Variants in DPYSL4 observed in about 807,000 individuals in gnomAD.
DPYSL4 encodes the protein dihydropyrimidinase-related protein 4.
Under a neutral mutation model 63.4 loss-of-function variants are expected in DPYSL4, and 43 were observed. That is an observed-to-expected ratio of 0.68 (90% CI 0.53 to 0.88). The LOEUF is 0.88. Among genes scored for constraint, DPYSL4 ranks in the 40% least tolerant of loss-of-function variants. The pLI is 0.00. For synonymous variants in DPYSL4, 353 were observed against 331.7 expected, an observed-to-expected ratio of 1.06 and a Z score of -0.70; for missense variants, 733 against 819.5, an observed-to-expected ratio of 0.89 and a Z score of 1.29.
At chr10:132,200,631 G>T in intron 9 of DPYSL4, 119 bp downstream of exon 9, 2 of 1,427,978 alleles carry the variant, frequency 1.4e-6, no homozygotes, top group Non-Finnish European at 1.9e-6. Flanking sequence ...GACAGTGGCG[G>T]GTGGGGAAGT....
rs765000161 is a variant in DPYSL4, at chr10:132,202,739, A to G, written c.1375A>G (p.Met459Val). 1.2e-6 allele frequency: 2 copies of G among 1,613,280 alleles called. No homozygotes were observed. The highest frequency in any genetic ancestry group is 4.5e-5 in the East Asian group (2 of 44,888). The change falls in exon 12 of 14, where the codon ATG becomes GTG. Residue 459 changes from methionine (M) to valine (V), a missense_variant. Coordinates refer to ENST00000338492, the MANE Select transcript of DPYSL4 (RefSeq NM_006426.3). ...QGRVALEDGK[M>V]FVTPGAGRFV... is the part of the protein sequence containing the mutation. ...CCGAGTGGCGCTGGAGGACGGGAAG[A>G]TGTTTGTCACCCCGGGGGCGGGCCG...
chr10:132,196,784 G>C, intron 4 of DPYSL4, 77 bp from the exon 5 acceptor site: 9 of 1,547,772 alleles, frequency 5.8e-6, no homozygotes, highest in Non-Finnish European at 8.0e-6. Context: ...CAACCCTCCA[G>C]TGGGCAGGAG....
chr10:132,192,601 C>A (rs1402614393), intron 2 of DPYSL4, 57 bp from the exon 3 acceptor site: 6 of 1,525,790 alleles, frequency 3.9e-6, no homozygotes, highest in African/African-American at 2.8e-5. Context: ...TTGCTGGGAG[C>A]CCATCTGGGC....
At chr10:132,201,814 G>A (rs2062022025) in intron 10 of DPYSL4, 132 bp from the exon 11 acceptor site, 2 of 986,444 alleles carry the variant, frequency 2.0e-6, no homozygotes, top group South Asian at 3.4e-5. Context: ...TGGTGGTCCA[G>A]CGTCTGTCCT....
At position 132,205,511 on chromosome 10, in the gene DPYSL4, G is replaced by C. The variant is rs2062085612; in HGVS notation, c.*581G>C. 6.6e-6 allele frequency: 1 copy of C among 152,624 alleles called. No individual in the cohort carries two copies. Among genetic ancestry groups the C allele is most frequent in the Non-Finnish European group, 1.5e-5 (1 of 68,160 alleles). 9.5% of individuals were successfully genotyped at this position (152,624 alleles called of 1,614,324 possible). ...GTGCAGCACAGCCCCGCCCGTGGAG[G>C]GTCCCTTTTACGCACCCCAAGGCCC... On this transcript the variant is annotated 3_prime_UTR_variant, in exon 14 of 14. Coordinates refer to ENST00000338492, the MANE Select transcript of DPYSL4 (RefSeq NM_006426.3).
chr10:132,199,090 G>A, intron 8 of DPYSL4, 119 bp downstream of exon 8: 5 of 1,410,554 alleles, frequency 3.5e-6, no homozygotes, highest in Non-Finnish European at 3.8e-6. Context: ...TGGACCCTGA[G>A]TCCCTGCATC....
In DPYSL4 at chr10:132,202,648, C is replaced by T. The variant is rs553047637; in HGVS notation, c.1284C>T (p.Asn428=). ...GACCCTCGGGCCTCTCTCCCCAGAA[C>T]GTGGAGTACAACATCTTCGAGGGAG... ...KIISAKTHNL[N]VEYNIFEGVE... The change falls in exon 12 of 14, where the codon AAC becomes AAT. Residue 428 remains asparagine (N), a splice_region_variant and synonymous_variant. Coordinates refer to ENST00000338492, the MANE Select transcript of DPYSL4 (RefSeq NM_006426.3). 1.0e-4 allele frequency: 163 copies of T among 1,612,328 alleles called. 4 individuals carry two copies. In the South Asian group the frequency reaches 1.5e-3, roughly 15 times the overall value.
chr10:132,204,580 C>A (rs571633277), intron 13 of DPYSL4, among the ~76,000 whole-genome samples: 2 of 152,108 alleles, frequency 1.3e-5, no homozygotes, highest in Non-Finnish European at 2.9e-5. Flanking sequence ...GGGTTCCTCT[C>A]GGGACAGGAA....
At chr10:132,198,251 A>G (rs2061969892) in intron 6 of DPYSL4, among the ~76,000 whole-genome samples, 164 bp from the exon 7 acceptor site, 1 of 152,072 alleles carries the variant, frequency 6.6e-6, no homozygotes, top group African/African-American at 2.4e-5. Flanking sequence ...ACACCTCTCC[A>G]AGCCCCTCTG....
intron 1 of DPYSL4, among the ~76,000 whole-genome samples, chr10:132,187,805 C>T (rs367678684): frequency 2.6e-4 from 39 of 152,220 alleles, no homozygotes; most frequent in Non-Finnish European, 4.9e-4. Flanking sequence ...CCACACGCAC[C>T]GGCGCGGGAG....
At chr10:132,197,843 C>G (rs2061965451) in intron 6 of DPYSL4, among the ~76,000 whole-genome samples, 1 of 152,230 alleles carries the variant, frequency 6.6e-6, no homozygotes, top group Non-Finnish European at 1.5e-5. Flanking sequence ...ATCGGGGCAT[C>G]ACAAACACTT....
rs201032462 is a variant in DPYSL4 at position 132,200,453 on chromosome 10, A to T, written c.909A>T (p.Thr303=). 4.6e-5 allele frequency: 74 copies of T among 1,613,300 alleles called. 1 individual carries two copies. In the South Asian group the frequency reaches 6.3e-4, roughly 14 times the overall value. Residue 303 remains threonine, a synonymous_variant, in exon 9 of 14, where the codon ACA becomes ACT. Transcript: ENST00000338492. ...GGGCCAAGGCCGCAGCCTTCGTCAC[A>T]TCACCCCCTGTCAACCCAGACCCCA... The part of the protein sequence containing the change: ...KNWAKAAAFV[T]SPPVNPDPTT...
chr10:132,201,032 C>G (rs533126209), intron 10 of DPYSL4, 49 bp downstream of exon 10: 1 of 1,598,124 alleles, frequency 6.3e-7, no homozygotes, highest in African/African-American at 1.3e-5. Context: ...CGGCTGTGGG[C>G]GGGATTGTGA....
Position 132,196,900 on chromosome 10 carries a change from G to A in DPYSL4, c.518G>A (p.Arg173Gln), listed in dbSNP as rs746816040. 42 of 1,613,552 alleles carry A rather than the reference G, an allele frequency of 2.6e-5. No individual in the cohort carries two copies. Among genetic ancestry groups the A allele is most frequent in the South Asian group, 5.5e-5 (5 of 91,072 alleles). ...CTGGTCTTCATGGCATACAAGGACC[G>A]GTGCCAGTGCAGCGACAGCCAGGTA... ...SFLVFMAYKDRCQCSDSQMYE... is the reference protein window; with the variant it reads ...SFLVFMAYKDQCQCSDSQMYE... The change falls in exon 5 of 14, where the codon CGG (arginine) becomes CAG (glutamine). Residue 173 changes from arginine to glutamine, a missense_variant. By Grantham distance (43) the Arg-to-Gln change is conservative. Transcript: ENST00000338492.
Position 132,187,093 on chromosome 10 carries a change from C to T in DPYSL4, c.30C>T (p.Pro10=). 1 of 1,504,998 alleles carries T rather than the reference C, an allele frequency of 6.6e-7. No individual in the cohort carries two copies. Among genetic ancestry groups the T allele is most frequent in the Non-Finnish European group, 9.0e-7 (1 of 1,116,564 alleles). 93.2% of individuals were successfully genotyped at this position (1,504,998 alleles called of 1,614,324 possible). A position where few individuals can be genotyped will look rare whatever the true frequency, so the allele number is the denominator to read the frequency against. ...CCTTCCAGGGCAAGAAAAGCATCCCCCGGATCACGGTGAGCCCGGTCCCGC... is the reference window on the plus strand; with the variant it reads ...CCTTCCAGGGCAAGAAAAGCATCCCTCGGATCACGGTGAGCCCGGTCCCGC... MSFQGKKSI[P]RITSDRLLIR... is the part of the protein sequence containing the mutation. Residue 10 remains proline, a synonymous_variant, in exon 1 of 14, where the codon CCC becomes CCT. Transcript: ENST00000338492.
chr10:132,198,120 A>G lies in DPYSL4; in HGVS notation c.622-295A>G, dbSNP rs186876601. 6.6e-5 allele frequency among the ~76,000 whole-genome samples: 10 copies of G among 152,280 alleles called. No individual in the cohort carries two copies. In the East Asian group the frequency reaches 1.7e-3, roughly 26 times the overall value. ...TGCCCCCGCTGGGGGAGGCAGCGTG[A>G]TGGGCATAGTGGTGGGAGGGTGGGG... On this transcript the variant is annotated intron_variant, in intron 6 of 13. Transcript: ENST00000338492.
intron 2 of DPYSL4, 123 bp from the exon 3 acceptor site, chr10:132,192,535 G>A (rs1030639550): frequency 2.8e-6 from 4 of 1,443,400 alleles, no homozygotes; most frequent in Non-Finnish European, 3.6e-6. Context: ...GTGGCCGGCC[G>A]TGCTGGCCTT....
At chr10:132,194,219 A>T (rs1172461072) in intron 3 of DPYSL4, among the ~76,000 whole-genome samples, 1 of 152,244 alleles carries the variant, frequency 6.6e-6, no homozygotes, top group East Asian at 1.9e-4. Flanking sequence ...TGCTGGAGGA[A>T]GGCATCCCTG....
At chr10:132,189,428 T>A (rs1226578471) in intron 1 of DPYSL4, among the ~76,000 whole-genome samples, 1 of 152,226 alleles carries the variant, frequency 6.6e-6, no homozygotes, top group Non-Finnish European at 1.5e-5. Flanking sequence ...TTCCCGGCCA[T>A]CTGGTAGGAT....
Sources: allele counts gnomAD v4.1 joint callset (sites outside exome capture counted in the v4.1 genomes callset), GRCh38; gene constraint gnomAD v4.1.1; transcripts MANE v1.5; gene names NCBI Gene and HGNC (gene_info 2026-07-23, HGNC 2026-07-21).